NAALADL2: variants seen among roughly 807,000 people sequenced by gnomAD.
NAALADL2 encodes the protein inactive N-acetylated-alpha-linked acidic dipeptidase-like protein 2.
Under a neutral mutation model 87.2 loss-of-function variants are expected in NAALADL2, and 76 were observed. That is an observed-to-expected ratio of 0.87 (90% confidence interval 0.72 to 1.05). The LOEUF (loss-of-function observed/expected upper bound fraction) is 1.05, where lower values mean the gene tolerates loss of function less well. Among genes scored for constraint, NAALADL2 ranks in the 50% least tolerant of loss-of-function variants. NAALADL2 has a pLI of 0.00. For synonymous variants in NAALADL2, 354 were observed against 331.0 expected, an observed-to-expected ratio of 1.07 and a Z score of -0.75; for missense variants, 1,089 against 945.8, an observed-to-expected ratio of 1.15 and a Z score of -1.99.
intron 4 of NAALADL2, among the ~76,000 whole-genome samples, chr3:175,309,989 G>A (rs1207102546): frequency 6.6e-6 from 1 of 152,034 alleles, no homozygotes; most frequent in Non-Finnish European, 1.5e-5. Context: ...TAATGTTGCT[G>A]GCAGGCCAAA....
chr3:175,580,341 C>A (rs575904823), intron 10 of NAALADL2, among the ~76,000 whole-genome samples: 8 of 152,024 alleles, frequency 5.3e-5, no homozygotes, highest in Non-Finnish European at 1.2e-4. Flanking sequence ...TACAGTTTGA[C>A]AATACACATA....
chr3:174,930,053 G>A (rs529357930), intron 1 of NAALADL2, among the ~76,000 whole-genome samples: 10 of 152,202 alleles, frequency 6.6e-5, no homozygotes, highest in Admixed American at 5.9e-4. Context: ...TGTACTTTGT[G>A]TAGACCATAG....
intron 1 of NAALADL2, among the ~76,000 whole-genome samples, chr3:174,883,295 C>T (rs1729661660): frequency 6.6e-6 from 1 of 152,126 alleles, no homozygotes; most frequent in Non-Finnish European, 1.5e-5. Context: ...TCAGTCCACT[C>T]AAGTTGGCAC....
At chr3:175,604,808 T>TCAG in intron 10 of NAALADL2, among the ~76,000 whole-genome samples, 1 of 152,280 alleles carries the variant, frequency 6.6e-6, no homozygotes, top group Non-Finnish European at 1.5e-5. Context: ...TTATCAGGTA[T>TCAG]CCATTTTAGA....
At chr3:175,268,421 G>A (rs1036908482) in intron 4 of NAALADL2, among the ~76,000 whole-genome samples, 1 of 152,168 alleles carries the variant, frequency 6.6e-6, no homozygotes, top group Non-Finnish European at 1.5e-5. Flanking sequence ...CAGTGAGTGA[G>A]TGGTGGGTGA....
At chr3:175,539,937 C>G (rs1712008452) in intron 9 of NAALADL2, among the ~76,000 whole-genome samples, 1 of 152,090 alleles carries the variant, frequency 6.6e-6, no homozygotes, top group Non-Finnish European at 1.5e-5. Flanking sequence ...AGTTAATTTG[C>G]TTGCTATCAA....
Position 174,651,088 on chromosome 3 carries a change from A to G in NAALADL2, c.-114-86553A>G, listed in dbSNP as rs189434097. On this transcript the variant is annotated intron_variant, in intron 2 of 3. Coordinates refer to the NAALADL2 transcript ENST00000434257. ...AGTTCTGCTAATATCTCTTATTTTT[A>G]TTTTTAGCTTTCCATTATTATAAAA... Among the ~76,000 whole-genome samples, 76 of 152,110 alleles carry G rather than the reference A, an allele frequency of 5.0e-4. 1 individual carries two copies. The highest frequency in any genetic ancestry group is 2.6e-3 in the Admixed American group (40 of 15,264).
Position 175,606,387 on chromosome 3 carries a change from C to CTTT in NAALADL2, c.1801-20895_1801-20893dup, listed in dbSNP as rs372448967. ...TCTAAGTAAAGTCAGAGAAACTAGCCTTTTTTTTTTTGTATATGAAAACGC... is the reference window on the plus strand; with the variant it reads ...TCTAAGTAAAGTCAGAGAAACTAGCCTTTTTTTTTTTTTTGTATATGAAAACGC... On this transcript the variant is annotated intron_variant, in intron 10 of 13. Coordinates refer to ENST00000454872, the MANE Select transcript of NAALADL2 (RefSeq NM_207015.3). Among the ~76,000 whole-genome samples the CTTT allele has an allele frequency of 1.3e-3, 193 of 147,494 alleles. 1 individual carries two copies. Among genetic ancestry groups the CTTT allele is most frequent in the East Asian group, 5.9e-3 (30 of 5,054 alleles).
At chr3:175,067,239 C>G (rs1284779481) in intron 1 of NAALADL2, among the ~76,000 whole-genome samples, 1 of 152,056 alleles carries the variant, frequency 6.6e-6, no homozygotes, top group African/African-American at 2.4e-5. Flanking sequence ...CAAAAATTGA[C>G]TAGTGGAACC....
chr3:175,012,060 T>A (rs114522993), intron 1 of NAALADL2, among the ~76,000 whole-genome samples: 3,451 of 152,284 alleles, frequency 0.023, 52 homozygotes, highest in Non-Finnish European at 0.034. Flanking sequence ...GTGTTAAGTT[T>A]GGGCATGCTG....
chr3:175,608,996 ATT>A (rs55666834), intron 10 of NAALADL2, among the ~76,000 whole-genome samples: 128,450 of 149,086 alleles, frequency 0.86, 55,698 homozygotes, highest in Non-Finnish European at 0.92. Context: ...GCCCAGTGTG[ATT>A]TTTTTTTTTT....
chr3:175,014,376 A>AT (rs1422221333), intron 1 of NAALADL2, among the ~76,000 whole-genome samples: 1 of 152,220 alleles, frequency 6.6e-6, no homozygotes, highest in Non-Finnish European at 1.5e-5. Flanking sequence ...ATTCTTAATC[A>AT]TTTTTAACAT....
intron 13 of NAALADL2, among the ~76,000 whole-genome samples, chr3:175,788,282 G>C (rs1295642789): frequency 6.6e-6 from 1 of 151,712 alleles, no homozygotes; most frequent in East Asian, 1.9e-4. Flanking sequence ...TTGTAAAGAT[G>C]GGGTTTGTCA....
intron 1 of NAALADL2, among the ~76,000 whole-genome samples, chr3:175,018,308 A>G (rs1751114351): frequency 6.6e-6 from 1 of 152,158 alleles, no homozygotes; most frequent in East Asian, 1.9e-4. Context: ...TCTTGCAGAC[A>G]TCTCTGAAAG....
chr3:174,591,332 G>A (rs1426891779), intron 2 of NAALADL2, among the ~76,000 whole-genome samples: 1 of 152,132 alleles, frequency 6.6e-6, no homozygotes, highest in East Asian at 1.9e-4. Flanking sequence ...GAAAAGAACG[G>A]TGCATGTTAG....
At chr3:175,522,760 C>T (rs1560698902) in intron 9 of NAALADL2, among the ~76,000 whole-genome samples, 1 of 152,106 alleles carries the variant, frequency 6.6e-6, no homozygotes, top group Admixed American at 6.5e-5. Context: ...GCTTTCTCCA[C>T]AAAAAAGTAA....
intron 1 of NAALADL2, among the ~76,000 whole-genome samples, chr3:174,496,224 T>C (rs1156433286): frequency 1.3e-5 from 2 of 152,142 alleles, no homozygotes; most frequent in Non-Finnish European, 2.9e-5. Context: ...GAAATTGTTT[T>C]TGTTTGATTT....
intron 2 of NAALADL2, among the ~76,000 whole-genome samples, chr3:175,218,391 C>T (rs1742862917): frequency 6.6e-6 from 1 of 152,144 alleles, no homozygotes; most frequent in Admixed American, 6.6e-5. Context: ...AAGGTAGCCT[C>T]ATGATAAGGT....
chr3:174,994,083 A>G (rs1158576946), intron 1 of NAALADL2, among the ~76,000 whole-genome samples: 2 of 152,152 alleles, frequency 1.3e-5, no homozygotes, highest in African/African-American at 4.8e-5. Flanking sequence ...TCCAAATTCG[A>G]TCACATTCAC....
Sources: allele counts gnomAD v4.1 joint callset (sites outside exome capture counted in the v4.1 genomes callset), GRCh38; gene constraint gnomAD v4.1.1; transcripts MANE v1.5; gene names NCBI Gene and HGNC (gene_info 2026-07-23, HGNC 2026-07-21).